HDAC4: variants seen among roughly 807,000 people sequenced by gnomAD.
The protein encoded by HDAC4 is histone deacetylase A.
HDAC4 carries 16 observed loss-of-function variants against 135.1 expected under a neutral mutation model. That is an observed-to-expected ratio of 0.12 (90% CI 0.08 to 0.18). The LOEUF (loss-of-function observed/expected upper bound fraction) is 0.18, where lower values mean the gene tolerates loss of function less well. Ranked by LOEUF, HDAC4 falls within the 10% of genes least tolerant of loss-of-function variation. HDAC4 has a pLI of 1.00. For synonymous variants in HDAC4, 685 were observed against 653.4 expected (o/e 1.05, Z -0.74); for missense variants, 1,143 against 1,511.8 (o/e 0.76, Z 4.05).
chr2:239,138,912 C>T (rs568430327), intron 9 of HDAC4, among the ~76,000 whole-genome samples: 6 of 152,318 alleles, frequency 3.9e-5, no homozygotes, highest in Middle Eastern at 6.8e-3. Context: ...GTGTGCGACT[C>T]GGCCAGCCTG....
chr2:239,262,994 G>A lies in HDAC4; in HGVS notation c.23-26330C>T, dbSNP rs909137937. Among the ~76,000 whole-genome samples, 2 of 152,044 alleles carry A rather than the reference G, an allele frequency of 1.3e-5. No homozygotes were observed. Among genetic ancestry groups the A allele is most frequent in the African/African-American group, 4.8e-5 (2 of 41,386 alleles). On this transcript the variant is annotated intron_variant, in intron 2 of 26. Transcript: ENST00000543185. This position sits in a 1 kb window ranked among gnomAD's most constrained non-coding sequence, Gnocchi z 4.1. The stretch of plus-strand genomic sequence containing the variant: ...CCCGGGAAGCCAAGCCCCAGGAAGG[G>A]CCCATTATGCCGATGAAGACACGAG...
At chr2:239,192,249 T>C (rs1290132217) in intron 3 of HDAC4, among the ~76,000 whole-genome samples, 5 of 101,634 alleles carry the variant, frequency 4.9e-5, no homozygotes, top group Non-Finnish European at 7.5e-5. Flanking sequence ...ACCCCACACA[T>C]AGGTGAGGAC....
intron 2 of HDAC4, among the ~76,000 whole-genome samples, chr2:239,335,163 G>A (rs1312103513): frequency 1.3e-5 from 2 of 152,136 alleles, no homozygotes; most frequent in African/African-American, 4.8e-5. Context: ...AGTTAAGACA[G>A]TGTTGCACTG....
chr2:239,396,857 A>G (rs1342966786), intron 1 of HDAC4, among the ~76,000 whole-genome samples: 1 of 152,256 alleles, frequency 6.6e-6, no homozygotes, highest in Non-Finnish European at 1.5e-5. Context: ...CAGACCGAAC[A>G]ACAAACACTA....
chr2:239,098,033 A>T (rs567045449), intron 16 of HDAC4, among the ~76,000 whole-genome samples: 1 of 152,370 alleles, frequency 6.6e-6, no homozygotes, highest in South Asian at 2.1e-4. Flanking sequence ...AAGAGACTGA[A>T]TCTCTTTGAA....
intron 15 of HDAC4, among the ~76,000 whole-genome samples, chr2:239,106,075 G>A (rs1257147203): frequency 2.0e-5 from 3 of 152,202 alleles, no homozygotes; most frequent in African/African-American, 7.2e-5. Flanking sequence ...GCCAGGCTCA[G>A]GTCTTGTCCC....
chr2:239,140,303 C>T (rs2041271528), intron 8 of HDAC4, among the ~76,000 whole-genome samples: 2 of 152,166 alleles, frequency 1.3e-5, no homozygotes, highest in South Asian at 4.1e-4. Flanking sequence ...TGAGATCTAT[C>T]CGTGCTACTG....
intron 3 of HDAC4, among the ~76,000 whole-genome samples, chr2:239,211,163 A>G (rs558617836): frequency 1.2e-4 from 18 of 152,262 alleles, no homozygotes; most frequent in Non-Finnish European, 2.4e-4. Flanking sequence ...AAAAAGATTC[A>G]CTTACATTCC....
At chr2:239,150,745 G>GTACCGCACCTCCTGAAGTATA (rs2042069631) in intron 7 of HDAC4, among the ~76,000 whole-genome samples, 3 of 125,940 alleles carry the variant, frequency 2.4e-5, no homozygotes, top group Admixed American at 2.3e-4. Context: ...CCTGAAGTAT[G>GTACCGCACCTCCTGAAGTATA]TACCACACCT....
intron 3 of HDAC4, among the ~76,000 whole-genome samples, chr2:239,232,096 G>A (rs938417368): frequency 3.9e-5 from 6 of 152,000 alleles, no homozygotes; most frequent in Admixed American, 1.3e-4. Flanking sequence ...GCTGCTGAGC[G>A]CCTGCAAGGC....
rs373009251 is a variant in HDAC4, at chr2:239,134,660, C to G, written c.979-17G>C. On this transcript the variant is annotated splice_polypyrimidine_tract_variant and intron_variant, in intron 9 of 26. Coordinates refer to ENST00000543185, the MANE Select transcript of HDAC4 (RefSeq NM_001378414.1). The stretch of plus-strand genomic sequence containing the variant: ...CAAACTCGTCTGGGGACAGAACACA[C>G]GATGACCATCACAGTCTGTCACGGC... 6.3e-7 allele frequency: 1 copy of G among 1,582,946 alleles called. No individual in the cohort carries two copies. Among genetic ancestry groups the G allele is most frequent in the Non-Finnish European group, 8.7e-7 (1 of 1,151,700 alleles).
intron 17 of HDAC4, chr2:239,091,511 G>A (rs2036501502): frequency 6.6e-6 from 1 of 152,218 alleles, no homozygotes; most frequent in African/African-American, 2.4e-5. Context: ...AGCGCCGAGT[G>A]CTTTGGGGCT....
intron 4 of HDAC4, among the ~76,000 whole-genome samples, chr2:239,185,476 A>G (rs2044487586): frequency 1.5e-5 from 2 of 137,334 alleles, no homozygotes; most frequent in African/African-American, 5.6e-5. Context: ...GGAGAGATGC[A>G]CCCTGCAGGG....
chr2:239,277,511 T>C (rs2050438904), intron 2 of HDAC4, among the ~76,000 whole-genome samples: 1 of 152,172 alleles, frequency 6.6e-6, no homozygotes, highest in Non-Finnish European at 1.5e-5. Flanking sequence ...CACGCCATGG[T>C]GGCCCATCGC....
At chr2:239,144,480 G>A (rs1209370957) in intron 8 of HDAC4, 103 bp downstream of exon 8, 1 of 1,452,758 alleles carries the variant, frequency 6.9e-7, no homozygotes, top group African/African-American at 1.4e-5. Context: ...GACAGCGTGA[G>A]GCAGACACGT....
intron 1 of HDAC4, among the ~76,000 whole-genome samples, chr2:239,357,875 C>G (rs1693603808): frequency 9.1e-6 from 1 of 110,320 alleles, no homozygotes; most frequent in South Asian, 2.9e-4. Context: ...GGTGACAGAG[C>G]AAGCCTCTGT....
intron 11 of HDAC4, among the ~76,000 whole-genome samples, chr2:239,129,520 A>C (rs1397703372): frequency 6.6e-6 from 1 of 152,070 alleles, no homozygotes; most frequent in East Asian, 1.9e-4. Context: ...TGGGCATCTT[A>C]GCCAGGGTTT....
At chr2:239,148,926 G>A (rs1284669530) in intron 7 of HDAC4, among the ~76,000 whole-genome samples, 1 of 152,202 alleles carries the variant, frequency 6.6e-6, no homozygotes, top group Admixed American at 6.5e-5. Flanking sequence ...TGAAAAAAAT[G>A]ATCAACTTCC....
At chr2:239,180,171 G>A (rs894246359) in intron 4 of HDAC4, among the ~76,000 whole-genome samples, 1 of 152,070 alleles carries the variant, frequency 6.6e-6, no homozygotes, top group Non-Finnish European at 1.5e-5. Flanking sequence ...GCTTCCAGGT[G>A]GCCACCACAC....
Sources: allele counts gnomAD v4.1 joint callset (sites outside exome capture counted in the v4.1 genomes callset), GRCh38; gene constraint gnomAD v4.1.1; non-coding constraint Gnocchi (gnomAD v3.1); transcripts MANE v1.5; gene names NCBI Gene and HGNC (gene_info 2026-07-23, HGNC 2026-07-21).